Variants in PPP3CB observed in about 807,000 individuals in gnomAD.
PPP3CB encodes serine/threonine-protein phosphatase 2B catalytic subunit beta isoform.
Under a neutral mutation model 66.4 loss-of-function variants are expected in PPP3CB, and 8 were observed. That is an observed-to-expected ratio of 0.12 (90% CI 0.07 to 0.22). PPP3CB has a LOEUF of 0.22. PPP3CB is among the 10% of genes least tolerant of loss of function. PPP3CB has a pLI of 1.00. For synonymous variants in PPP3CB, 208 were observed against 221.2 expected (o/e 0.94, Z 0.53); for missense variants, 319 against 642.5 (o/e 0.50, Z 5.44).
chr10:73,468,903 AAG>A lies in PPP3CB; in HGVS notation c.983-1227_983-1226del, dbSNP rs777971192. On this transcript the variant is annotated intron_variant, in intron 8 of 13. Transcript: ENST00000360663. ...CTTTCAGATCTTTTGTAAGGGATAA[AAG>A]AGAGAAAAATCTAGAAAATTGCCTT... is the stretch of plus-strand genomic sequence containing the variant. Among the ~76,000 whole-genome samples, 6 of 152,374 alleles carry A rather than the reference AAG, an allele frequency of 3.9e-5. No homozygotes were observed. The East Asian group carries it at 1.2e-3, about 29-fold the overall frequency.
chr10:73,469,520 C>G (rs904085191), intron 8 of PPP3CB, among the ~76,000 whole-genome samples: 6 of 152,244 alleles, frequency 3.9e-5, no homozygotes, highest in East Asian at 1.9e-4. Flanking sequence ...CCAGCCTGGG[C>G]AACAGAGCGA....
At chr10:73,484,879 T>A (rs549028329) in intron 1 of PPP3CB, among the ~76,000 whole-genome samples, 1 of 151,376 alleles carries the variant, frequency 6.6e-6, no homozygotes, top group Non-Finnish European at 1.5e-5. Context: ...TGGTGAAACC[T>A]TGTCTCTACT....
intron 1 of PPP3CB, among the ~76,000 whole-genome samples, chr10:73,483,834 T>G (rs568651939): frequency 1.3e-4 from 19 of 151,556 alleles, no homozygotes; most frequent in Admixed American, 4.6e-4. Flanking sequence ...AGAGTTAAAA[T>G]TTTTTTTTCA....
At chr10:73,486,195 C>T (rs1182379196) in intron 1 of PPP3CB, among the ~76,000 whole-genome samples, 1 of 151,784 alleles carries the variant, frequency 6.6e-6, no homozygotes, top group East Asian at 1.9e-4. Context: ...CCGCCTGCCT[C>T]GGCCTTCCAA....
chr10:73,479,251 G>T, intron 2 of PPP3CB, 66 bp downstream of exon 2: 1 of 1,403,222 alleles, frequency 7.1e-7, no homozygotes, highest in Non-Finnish European at 1.0e-6. Flanking sequence ...AAAACAGTAA[G>T]TTGTAAATCC....
chr10:73,473,750 T>TA (rs1405503631), intron 4 of PPP3CB, among the ~76,000 whole-genome samples: 3 of 147,274 alleles, frequency 2.0e-5, no homozygotes, highest in Non-Finnish European at 4.4e-5. Context: ...TTACAGGTAT[T>TA]AGATTACCAT....
chr10:73,478,460 C>T (rs534389834), intron 3 of PPP3CB, 39 bp downstream of exon 3: 2 of 1,571,640 alleles, frequency 1.3e-6, no homozygotes, highest in African/African-American at 2.7e-5. Context: ...TCTGTGTTAA[C>T]ACTTAACAGC....
At chr10:73,467,391 A>G (rs929428516) in intron 9 of PPP3CB, 162 bp downstream of exon 9, 12 of 467,698 alleles carry the variant, frequency 2.6e-5, no homozygotes, top group Non-Finnish European at 3.8e-5. Flanking sequence ...GCTAACTAAA[A>G]TATCTTTGAG....
At chr10:73,444,428 C>G (rs2056212705) in intron 12 of PPP3CB, 1 of 760,356 alleles carries the variant, frequency 1.3e-6, no homozygotes, top group Non-Finnish European at 2.0e-6. Flanking sequence ...GTGAATTAGA[C>G]AGATGAATAA....
At chr10:73,476,315 G>C (rs1481297342) in intron 3 of PPP3CB, among the ~76,000 whole-genome samples, 1 of 152,022 alleles carries the variant, frequency 6.6e-6, no homozygotes, top group African/African-American at 2.4e-5. Context: ...ACAACAAAAT[G>C]TATTAAAGGA....
At chr10:73,457,293 TA>T (rs2056443974) in intron 9 of PPP3CB, among the ~76,000 whole-genome samples, 1 of 116,760 alleles carries the variant, frequency 8.6e-6, no homozygotes, top group African/African-American at 3.2e-5. Context: ...AAAAAAAAGC[TA>T]GTCATGGTAG....
intron 1 of PPP3CB, 151 bp downstream of exon 1, chr10:73,495,654 G>C (rs2057191258): frequency 8.2e-7 from 1 of 1,222,558 alleles, no homozygotes; most frequent in East Asian, 3.8e-5. Flanking sequence ...GCCCTGCCCA[G>C]CAGGGGCCCG....
chr10:73,454,537 C>T, intron 9 of PPP3CB, 48 bp from the exon 10 acceptor site: 2 of 1,291,010 alleles, frequency 1.5e-6, no homozygotes, highest in Middle Eastern at 1.9e-4. Flanking sequence ...ATATAACTGT[C>T]TATACATACA....
chr10:73,463,743 C>T (rs1428971817), intron 9 of PPP3CB, among the ~76,000 whole-genome samples: 2 of 150,812 alleles, frequency 1.3e-5, no homozygotes, highest in African/African-American at 2.4e-5. Flanking sequence ...CCTGGGTTCA[C>T]GCCATTCTCC....
At chr10:73,488,115 A>C (rs80335969) in intron 1 of PPP3CB, among the ~76,000 whole-genome samples, 7,083 of 152,168 alleles carry the variant, frequency 0.047, 505 homozygotes, top group African/African-American at 0.15. Context: ...CAGAGACATT[A>C]AGTTGCTTCT....
At chr10:73,446,254 C>G (rs1272478799) in intron 11 of PPP3CB, among the ~76,000 whole-genome samples, 1 of 151,956 alleles carries the variant, frequency 6.6e-6, no homozygotes, top group Non-Finnish European at 1.5e-5. Context: ...TGCATGCCAC[C>G]ACGCCCGGCT....
Position 73,444,349 on chromosome 10 carries a change from A to G in PPP3CB, c.1366+376T>C, listed in dbSNP as rs1240207811. 1.5e-4 allele frequency: 72 copies of G among 479,752 alleles called. 2 individuals carry two copies. The East Asian group carries it at 2.5e-3, about 17-fold the overall frequency. The allele number at this position is 479,752 out of a possible 1,614,324, so 29.7% of individuals were successfully genotyped here. A position where few individuals can be genotyped will look rare whatever the true frequency, so the allele number is the denominator to read the frequency against. The stretch of plus-strand genomic sequence containing the variant: ...AAAATTAAAAAAGAAACTTGGAATT[A>G]CATTTCCATTTTAGTAACAGGAATA... On this transcript the variant is annotated intron_variant, in intron 12 of 13. Coordinates refer to ENST00000360663, the MANE Select transcript of PPP3CB (RefSeq NM_021132.4).
chr10:73,457,395 T>C (rs1356014732), intron 9 of PPP3CB, among the ~76,000 whole-genome samples: 8 of 145,746 alleles, frequency 5.5e-5, no homozygotes, highest in Non-Finnish European at 1.5e-5. Context: ...ACGATTGCAC[T>C]CCAACATTCT....
At chr10:73,454,930 T>C (rs1269232761) in intron 9 of PPP3CB, among the ~76,000 whole-genome samples, 2 of 151,956 alleles carry the variant, frequency 1.3e-5, no homozygotes, top group African/African-American at 4.8e-5. Context: ...TGCAGTGCAG[T>C]GGCGTGATCT....
Sources: allele counts gnomAD v4.1 joint callset (sites outside exome capture counted in the v4.1 genomes callset), GRCh38; gene constraint gnomAD v4.1.1; transcripts MANE v1.5; gene names NCBI Gene and HGNC (gene_info 2026-07-23, HGNC 2026-07-21).